Variants in GNG2 observed in about 807,000 individuals in gnomAD.
GNG2 encodes the protein guanine nucleotide-binding protein G(I)/G(S)/G(O) subunit gamma-2.
Under a neutral mutation model 5.5 loss-of-function variants are expected in GNG2, and 5 were observed. The ratio of observed to expected loss-of-function variants is 0.91; its 90% CI spans 0.48 to 1.92. GNG2 has a LOEUF of 1.92. GNG2 is among the 30% of genes most tolerant of loss of function. GNG2 has a pLI of 0.01. For missense variants in GNG2, 55 were observed against 88.4 expected (o/e 0.62, Z 1.52); for synonymous variants, 28 against 32.0 (o/e 0.88, Z 0.42).
intron 2 of GNG2, among the ~76,000 whole-genome samples, chr14:51,932,383 T>G (rs1887722066): frequency 6.7e-6 from 1 of 150,352 alleles, no homozygotes; most frequent in Non-Finnish European, 1.5e-5. Flanking sequence ...CTAAGTGAAA[T>G]AAGCCAGTCA....
intron 2 of GNG2, among the ~76,000 whole-genome samples, chr14:51,888,318 T>C (rs1884604182): frequency 6.6e-6 from 1 of 151,626 alleles, no homozygotes; most frequent in South Asian, 2.1e-4. Context: ...TTGTTTGTTT[T>C]TGTTGTTGTT....
intron 2 of GNG2, among the ~76,000 whole-genome samples, chr14:51,879,886 A>T (rs1423209489): frequency 6.6e-6 from 1 of 152,200 alleles, no homozygotes; most frequent in Non-Finnish European, 1.5e-5. Flanking sequence ...ATTAGGACTG[A>T]ACATATTTGG....
At chr14:51,937,983 C>T (rs1192382899) in intron 2 of GNG2, among the ~76,000 whole-genome samples, 1 of 152,210 alleles carries the variant, frequency 6.6e-6, no homozygotes. Context: ...CGAAAAGTGT[C>T]TTCCAGAATT....
At chr14:51,834,391 C>T (rs763310177) in intron 2 of GNG2, among the ~76,000 whole-genome samples, 8 of 152,172 alleles carry the variant, frequency 5.3e-5, no homozygotes, top group Admixed American at 2.0e-4. Flanking sequence ...ACTCCCCTGC[C>T]GAGGTCAGAG....
chr14:51,863,180 A>C (rs1327956894), intron 1 of GNG2, among the ~76,000 whole-genome samples: 1 of 152,218 alleles, frequency 6.6e-6, no homozygotes, highest in African/African-American at 2.4e-5. Flanking sequence ...AAGCCTGTTC[A>C]TAAAAGACTT....
chr14:51,856,344 G>C (rs1267947525), upstream of GNG2, among the ~76,000 whole-genome samples: 2 of 152,166 alleles, frequency 1.3e-5, no homozygotes, highest in African/African-American at 4.8e-5. Flanking sequence ...AAGGGGATGT[G>C]AGAAGTGTTT....
upstream of GNG2, among the ~76,000 whole-genome samples, chr14:51,858,051 A>G (rs199636254): frequency 2.6e-5 from 4 of 152,350 alleles, no homozygotes; most frequent in East Asian, 7.7e-4. Flanking sequence ...AGAGTATTTT[A>G]CAGACTTTGT....
chr14:51,943,385 A>G (rs1479300078), intron 2 of GNG2, among the ~76,000 whole-genome samples: 2 of 152,196 alleles, frequency 1.3e-5, no homozygotes. Context: ...TCTTAAAAAA[A>G]CTTCCGCACA....
At chr14:51,846,543 A>G (rs1236941803) in intron 2 of GNG2, among the ~76,000 whole-genome samples, 1 of 152,242 alleles carries the variant, frequency 6.6e-6, no homozygotes, top group Non-Finnish European at 1.5e-5. Context: ...GAACTATAAA[A>G]AGAAGAACAT....
At chr14:51,859,713 A>G (rs73291073), upstream of GNG2, among the ~76,000 whole-genome samples, 2,409 of 152,294 alleles carry the variant, frequency 0.016, 54 homozygotes, top group African/African-American at 0.055. Context: ...GCAGACAGAG[A>G]CAGCTTGCAG....
rs114496709 is a variant in GNG2 at position 51,901,038 on chromosome 14, T to A, written c.-30+23381T>A. On this transcript the variant is annotated intron_variant, in intron 2 of 3. Coordinates refer to ENST00000556766, the MANE Select transcript of GNG2 (RefSeq NM_053064.5). ...TTAGGATTTGCTATCTAAGTAAGTG[T>A]TAAATCTGCCAGAATTATGTTTCTG... 2.6e-3 allele frequency among the ~76,000 whole-genome samples: 400 copies of A among 152,358 alleles called. 2 individuals are homozygous for A. The highest frequency in any genetic ancestry group is 9.1e-3 in the African/African-American group (378 of 41,592).
intron 1 of GNG2, among the ~76,000 whole-genome samples, chr14:51,826,675 G>A (rs930113533): frequency 3.3e-5 from 5 of 152,216 alleles, no homozygotes; most frequent in African/African-American, 1.2e-4. Flanking sequence ...TGTGGCTACA[G>A]ATAAACTAGT....
chr14:51,938,544 G>T (rs7153584), intron 2 of GNG2, among the ~76,000 whole-genome samples: 16,555 of 152,170 alleles, frequency 0.11, 1,732 homozygotes, highest in East Asian at 0.41. Context: ...CCAAAAAGAT[G>T]AAATCATTTT....
intron 2 of GNG2, among the ~76,000 whole-genome samples, chr14:51,881,701 CTTTTTT>C (rs58544362): frequency 3.8e-5 from 4 of 104,222 alleles, no homozygotes; most frequent in African/African-American, 1.1e-4. Flanking sequence ...AGCTGGAAGA[CTTTTTT>C]TTTTTTTTTT....
intron 1 of GNG2, among the ~76,000 whole-genome samples, chr14:51,877,054 A>C (rs1038684670): frequency 2.0e-5 from 3 of 152,160 alleles, no homozygotes; most frequent in Non-Finnish European, 1.5e-5. Flanking sequence ...TTAGTGGCTA[A>C]GGGCATAGGT....
intron 3 of GNG2, among the ~76,000 whole-genome samples, chr14:51,960,491 T>C (rs1028633666): frequency 6.6e-6 from 1 of 152,228 alleles, no homozygotes; most frequent in African/African-American, 2.4e-5. Flanking sequence ...TTGTATTTTT[T>C]CATGTCTACA....
intron 2 of GNG2, among the ~76,000 whole-genome samples, chr14:51,893,129 A>G (rs1351541644): frequency 6.6e-6 from 1 of 152,168 alleles, no homozygotes; most frequent in African/African-American, 2.4e-5. Context: ...GTGGAATCCC[A>G]AACAGGGGGA....
At chr14:51,887,999 TTAGG>T (rs1435472330) in intron 2 of GNG2, among the ~76,000 whole-genome samples, 1 of 152,310 alleles carries the variant, frequency 6.6e-6, no homozygotes, top group Admixed American at 6.5e-5. Context: ...GCAGCTTTAT[TTAGG>T]TATAGTTGAT....
At chr14:51,838,651 G>A (rs1881405365) in intron 2 of GNG2, among the ~76,000 whole-genome samples, 1 of 152,108 alleles carries the variant, frequency 6.6e-6, no homozygotes, top group Non-Finnish European at 1.5e-5. Flanking sequence ...ATATGTTAAA[G>A]CACAATACTC....
Sources: gnomAD v4.1 joint callset for allele counts (sites outside exome capture counted in the v4.1 genomes callset) on GRCh38, gnomAD v4.1.1 for gene constraint, MANE v1.5 for transcripts, NCBI Gene and HGNC (gene_info 2026-07-23, HGNC 2026-07-21) for gene names.